Variants in ADGRL3 observed in about 807,000 individuals in gnomAD.
ADGRL3 encodes adhesion G protein-coupled receptor L3, also known as calcium-independent alpha-latrotoxin receptor 3.
A neutral mutation model predicts 153.5 loss-of-function variants in ADGRL3; 62 were observed. The observed-to-expected ratio is 0.40, with a 90% confidence interval of 0.33 to 0.50. ADGRL3 has a LOEUF of 0.50. Ranked by LOEUF, ADGRL3 falls within the 20% of genes least tolerant of loss-of-function variation. ADGRL3 has a pLI of 0.47. For missense variants in ADGRL3, 1,641 were observed against 1,859.4 expected (o/e 0.88, Z 2.16); for synonymous variants, 710 against 672.5 (o/e 1.06, Z -0.86).
chr4:61,240,628 AT>A (rs935267782), intron 1 of ADGRL3, among the ~76,000 whole-genome samples: 4 of 152,032 alleles, frequency 2.6e-5, no homozygotes, highest in African/African-American at 9.7e-5. Flanking sequence ...CATTAACTCG[AT>A]TTTTTTAAAC....
At chr4:61,601,557 C>T (rs1290539452) in intron 5 of ADGRL3, among the ~76,000 whole-genome samples, 1 of 152,000 alleles carries the variant, frequency 6.6e-6, no homozygotes, top group Non-Finnish European at 1.5e-5. Context: ...TTCATGAAGC[C>T]CAAATAACCA....
At position 62,044,559 on chromosome 4, in the gene ADGRL3, A is replaced by C. The variant is rs1730087541; in HGVS notation, c.3814+10A>C. On this transcript the variant is annotated intron_variant, in intron 25 of 26. Coordinates refer to ENST00000683033, the MANE Select transcript of ADGRL3 (RefSeq NM_001387552.1). Reference sequence around the variant, plus strand: ...GCGTCACTCAACAGAGGTAATTAGAAATAATTTTTCATATTTATTACTTTT... The same window carrying C: ...GCGTCACTCAACAGAGGTAATTAGACATAATTTTTCATATTTATTACTTTT... 1.3e-6 allele frequency: 2 copies of C among 1,527,780 alleles called. No homozygotes were observed. The highest frequency in any genetic ancestry group is 1.8e-6 in the Non-Finnish European group (2 of 1,124,176). The allele number at this position is 1,527,780 out of a possible 1,614,324, so 94.6% of individuals were successfully genotyped here. A position where few individuals can be genotyped will look rare whatever the true frequency, so the allele number is the denominator to read the frequency against.
chr4:61,217,686 G>C (rs1021968873), intron 1 of ADGRL3, among the ~76,000 whole-genome samples: 21 of 152,218 alleles, frequency 1.4e-4, no homozygotes, highest in African/African-American at 5.1e-4. Flanking sequence ...TACAAATATT[G>C]AAATGAAGAT....
At chr4:61,726,199 C>CTTT (rs1012113549) in intron 6 of ADGRL3, among the ~76,000 whole-genome samples, 2 of 82,938 alleles carry the variant, frequency 2.4e-5, no homozygotes, top group African/African-American at 4.5e-5. Flanking sequence ...CTCACTGGAA[C>CTTT]TTTTTTTTTT....
At chr4:61,419,126 CT>C (rs2097174783) in intron 2 of ADGRL3, among the ~76,000 whole-genome samples, 1 of 150,630 alleles carries the variant, frequency 6.6e-6, no homozygotes, top group African/African-American at 2.5e-5. Flanking sequence ...TACAGTAAAT[CT>C]TCAGTTAACA....
intron 1 of ADGRL3, among the ~76,000 whole-genome samples, chr4:61,225,307 G>A (rs1376654447): frequency 6.6e-6 from 1 of 152,098 alleles, no homozygotes; most frequent in African/African-American, 2.4e-5. Context: ...CTGGTTCCTA[G>A]CCAAACCTTT....
At chr4:61,516,653 G>C (rs1170530431) in intron 3 of ADGRL3, among the ~76,000 whole-genome samples, 3 of 151,188 alleles carry the variant, frequency 2.0e-5, no homozygotes, top group Non-Finnish European at 4.4e-5. Context: ...TGTACCATTT[G>C]TCAGTAAAAT....
chr4:61,272,146 A>C (rs1166576197), intron 1 of ADGRL3, among the ~76,000 whole-genome samples: 1 of 152,046 alleles, frequency 6.6e-6, no homozygotes, highest in Admixed American at 6.6e-5. Context: ...AAGACACTAA[A>C]ACATTTTACT....
chr4:61,897,328 T>G (rs190935373), intron 11 of ADGRL3, among the ~76,000 whole-genome samples: 9 of 152,326 alleles, frequency 5.9e-5, no homozygotes, highest in Admixed American at 2.0e-4. Context: ...ACTCAAAAAT[T>G]TATAAAATCT....
chr4:61,214,926 A>G (rs1741922016), intron 1 of ADGRL3, among the ~76,000 whole-genome samples: 1 of 152,130 alleles, frequency 6.6e-6, no homozygotes, highest in Non-Finnish European at 1.5e-5. Context: ...CTACAGAGTG[A>G]GACCTTGACT....
chr4:61,482,250 A>G (rs966441107), intron 2 of ADGRL3, among the ~76,000 whole-genome samples: 1 of 152,182 alleles, frequency 6.6e-6, no homozygotes, highest in East Asian at 1.9e-4. Context: ...AAGTTGCTTC[A>G]ACACTTTTCA....
At chr4:61,934,573 A>G (rs1340530716) in intron 13 of ADGRL3, among the ~76,000 whole-genome samples, 1 of 152,136 alleles carries the variant, frequency 6.6e-6, no homozygotes, top group Admixed American at 6.6e-5. Flanking sequence ...AGCTTGTGCT[A>G]TTGATTCTAA....
intron 8 of ADGRL3, among the ~76,000 whole-genome samples, chr4:61,789,010 A>G (rs1263469612): frequency 3.9e-5 from 6 of 152,196 alleles, no homozygotes; most frequent in Non-Finnish European, 7.3e-5. Flanking sequence ...TTTTAAAATT[A>G]GAGAATAAGC....
intron 21 of ADGRL3, among the ~76,000 whole-genome samples, chr4:62,027,039 G>T (rs1719052983): frequency 6.6e-6 from 1 of 151,926 alleles, no homozygotes; most frequent in South Asian, 2.1e-4. Flanking sequence ...TCTTGACATT[G>T]TACTATACGA....
chr4:61,845,025 T>TTA (rs1424930766), intron 9 of ADGRL3, among the ~76,000 whole-genome samples: 2 of 152,168 alleles, frequency 1.3e-5, no homozygotes, highest in Non-Finnish European at 1.5e-5. Flanking sequence ...TGGAAGGACT[T>TTA]TTTCTTAAAG....
At chr4:61,671,333 A>G (rs1580200167) in intron 5 of ADGRL3, among the ~76,000 whole-genome samples, 1 of 152,192 alleles carries the variant, frequency 6.6e-6, no homozygotes, top group Non-Finnish European at 1.5e-5. Context: ...TATCTTTCCT[A>G]ATACTAATCC....
chr4:61,979,604 G>A lies in ADGRL3; in HGVS notation c.2847G>A (p.Thr949=), dbSNP rs750203484. Residue 949 remains threonine (T), a synonymous_variant, in exon 18 of 27, where the codon ACG becomes ACA. Coordinates refer to ENST00000683033, the MANE Select transcript of ADGRL3 (RefSeq NM_001387552.1). ...AVHDLLLDVI[T]WVGILLSLVC... ...ATGACCTCCTTCTGGATGTGATCAC[G>A]TGGGTTGGAATTTTGCTGTCCCTTG... is the stretch of plus-strand genomic sequence containing the variant. The A allele has an allele frequency of 1.1e-5, 18 of 1,613,784 alleles. No individual in the cohort carries two copies. Among genetic ancestry groups the A allele is most frequent in the Admixed American group, 3.3e-5 (2 of 59,992 alleles).
intron 2 of ADGRL3, among the ~76,000 whole-genome samples, chr4:61,469,950 C>A (rs1185961476): frequency 6.6e-6 from 1 of 151,448 alleles, no homozygotes; most frequent in Non-Finnish European, 1.5e-5. Flanking sequence ...AAAAAACAAA[C>A]CCCCAGCACT....
chr4:61,454,318 T>A (rs2097709063), intron 2 of ADGRL3, among the ~76,000 whole-genome samples: 1 of 152,178 alleles, frequency 6.6e-6, no homozygotes, highest in Admixed American at 6.6e-5. Context: ...TGCATTTTGA[T>A]TATTGACTTT....
Sources: allele counts gnomAD v4.1 joint callset (sites outside exome capture counted in the v4.1 genomes callset), GRCh38; gene constraint gnomAD v4.1.1; transcripts MANE v1.5; gene names NCBI Gene and HGNC (gene_info 2026-07-23, HGNC 2026-07-21).